The following KANK1 variants were observed in gnomAD, a reference collection of about 807,000 sequenced individuals.
KANK1 encodes the protein KN motif and ankyrin repeat domains 1.
In KANK1, 109 loss-of-function variants were observed where a neutral mutation model predicts 106.2. The observed-to-expected ratio is 1.03, with a 90% CI of 0.88 to 1.20. KANK1 has a LOEUF of 1.20. KANK1 is among the 50% of genes most tolerant of loss of function. The pLI, the probability that KANK1 is intolerant of heterozygous loss-of-function variation, is 0.00. For synonymous variants in KANK1, 873 were observed against 652.2 expected, an observed-to-expected ratio of 1.34 and a Z score of -5.16; for missense variants, 2,399 against 1,710.7, an observed-to-expected ratio of 1.40 and a Z score of -7.10.
At chr9:672,805 A>C (rs1390336321) in intron 1 of KANK1, among the ~76,000 whole-genome samples, 3 of 152,242 alleles carry the variant, frequency 2.0e-5, no homozygotes, top group Non-Finnish European at 4.4e-5. Flanking sequence ...ATGCATCAGC[A>C]TCCTTCAGTC....
Position 711,151 on chromosome 9 carries a change from C to G in KANK1, c.385C>G (p.Leu129Val). ...GCCACCTCCCCCTCTGGAGACCTCACTCCCTTTTCTTACCATCCCAGAAAA... is the reference window on the plus strand; with the variant it reads ...GCCACCTCCCCCTCTGGAGACCTCAGTCCCTTTTCTTACCATCCCAGAAAA... ...SKPPPPLETS[L>V]PFLTIPENRQ... The change falls in exon 3 of 12, where the codon CTC becomes GTC. Residue 129 changes from leucine to valine, a missense_variant. Leu to Val is a conservative substitution (Grantham distance 32, BLOSUM62 1). Coordinates refer to ENST00000382297, the MANE Select transcript of KANK1 (RefSeq NM_015158.5). The G allele has an allele frequency of 6.2e-7, 1 of 1,614,198 alleles. No individual in the cohort carries two copies. Among genetic ancestry groups the G allele is most frequent in the Non-Finnish European group, 8.5e-7 (1 of 1,180,036 alleles).
chr9:510,119 A>G (rs1049091406), intron 1 of KANK1, among the ~76,000 whole-genome samples: 3 of 152,070 alleles, frequency 2.0e-5, no homozygotes, highest in Non-Finnish European at 2.9e-5. Context: ...AGTCTAAGAA[A>G]TCTTTAAATT....
At chr9:617,820 A>C (rs1367237192) in intron 1 of KANK1, among the ~76,000 whole-genome samples, 1 of 152,230 alleles carries the variant, frequency 6.6e-6, no homozygotes. Flanking sequence ...CAGGTTTCTC[A>C]TAGGAGTAGG....
At chr9:584,523 CTTCTG>C (rs1191963203) in intron 1 of KANK1, among the ~76,000 whole-genome samples, 2 of 152,146 alleles carry the variant, frequency 1.3e-5, no homozygotes, top group African/African-American at 2.4e-5. Context: ...TGAACCTAGA[CTTCTG>C]TTCTGTTGAT....
chr9:628,782 C>T (rs1015540852), intron 1 of KANK1, among the ~76,000 whole-genome samples: 1 of 152,062 alleles, frequency 6.6e-6, no homozygotes, highest in African/African-American at 2.4e-5. Flanking sequence ...GATACCTGTT[C>T]AGTTTACCAT....
chr9:658,424 G>T (rs1475318554), intron 1 of KANK1, among the ~76,000 whole-genome samples: 1 of 151,878 alleles, frequency 6.6e-6, no homozygotes, highest in African/African-American at 2.4e-5. Flanking sequence ...CTCAGTAGCT[G>T]AAATATATGG....
intron 3 of KANK1, among the ~76,000 whole-genome samples, chr9:721,975 G>A (rs187519570): frequency 1.3e-5 from 2 of 152,172 alleles, no homozygotes; most frequent in Admixed American, 1.3e-4. Flanking sequence ...CACACCTCAG[G>A]ATTGAGGTGT....
At chr9:616,104 G>C (rs1006079903) in intron 1 of KANK1, among the ~76,000 whole-genome samples, 10 of 152,152 alleles carry the variant, frequency 6.6e-5, no homozygotes, top group African/African-American at 2.4e-4. Context: ...ATCCACTGAA[G>C]CTCAATAAAG....
At chr9:618,133 T>C (rs1053784376) in intron 1 of KANK1, among the ~76,000 whole-genome samples, 2 of 152,204 alleles carry the variant, frequency 1.3e-5, no homozygotes, top group Admixed American at 6.5e-5. Context: ...GAACAAAATA[T>C]ACAGGTTAAA....
intron 2 of KANK1, among the ~76,000 whole-genome samples, chr9:703,291 C>A (rs1414338508): frequency 6.6e-6 from 1 of 152,100 alleles, no homozygotes; most frequent in Non-Finnish European, 1.5e-5. Context: ...CACTCATGGC[C>A]TGCATTGTTG....
chr9:677,119 A>G (rs1816569495), intron 2 of KANK1, 110 bp downstream of exon 2: 1 of 966,892 alleles, frequency 1.0e-6, no homozygotes, highest in Admixed American at 2.5e-5. Flanking sequence ...GATAACTAGG[A>G]TTTCAAAGCA....
chr9:600,550 A>G (rs974283643), intron 1 of KANK1, among the ~76,000 whole-genome samples: 1 of 151,932 alleles, frequency 6.6e-6, no homozygotes, highest in Admixed American at 6.5e-5. Context: ...AGGTATGTGT[A>G]TGAGCTATAT....
intron 1 of KANK1, among the ~76,000 whole-genome samples, chr9:536,804 G>A (rs1250319700): frequency 2.6e-5 from 4 of 152,276 alleles, no homozygotes; most frequent in East Asian, 1.9e-4. Flanking sequence ...TTTGGGGGGC[G>A]CATTTTTCTG....
chr9:687,691 A>G (rs1201497853), intron 2 of KANK1, among the ~76,000 whole-genome samples: 1 of 152,130 alleles, frequency 6.6e-6, no homozygotes, highest in African/African-American at 2.4e-5. Flanking sequence ...TTATCCTTCA[A>G]GTCTTGCTGC....
chr9:700,537 C>G lies in KANK1; in HGVS notation c.38-10267C>G, dbSNP rs149233248. Among the ~76,000 whole-genome samples the G allele has an allele frequency of 2.0e-3, 303 of 152,282 alleles. 3 individuals are homozygous for G. The highest frequency in any genetic ancestry group is 7.1e-3 in the African/African-American group (296 of 41,544). ...ACTTGCCTCTCTTCCTGAGTTCATC[C>G]TACTGGTTTGCTTTCCTGCTGACGT... On this transcript the variant is annotated intron_variant, in intron 2 of 11. Coordinates refer to ENST00000382297, the MANE Select transcript of KANK1 (RefSeq NM_015158.5).
chr9:622,469 C>G (rs760976028), intron 1 of KANK1, among the ~76,000 whole-genome samples: 2 of 152,104 alleles, frequency 1.3e-5, no homozygotes, highest in African/African-American at 2.4e-5. Flanking sequence ...AGCATCCTGA[C>G]AAGGGTGCCA....
chr9:493,554 C>CTT (rs34062799), intron 3 of KANK1, among the ~76,000 whole-genome samples: 2,000 of 115,956 alleles, frequency 0.017, 128 homozygotes, highest in African/African-American at 0.064. Flanking sequence ...GGGTAATTTG[C>CTT]TTTTTTTTTT....
chr9:732,390 T>C lies in KANK1; in HGVS notation c.3018T>C (p.Thr1006=). 1 of 1,611,452 alleles carries C rather than the reference T, an allele frequency of 6.2e-7. No homozygotes were observed. Among genetic ancestry groups the C allele is most frequent in the South Asian group, 1.1e-5 (1 of 91,020 alleles). ...FVGINGGYET[T]SSDDSSSDES... is the part of the protein sequence containing the mutation. ...AATTGCCACCTAGGTATGAAACAAC[T>C]TCAAGTGATGATTCCAGCTCAGATG... Residue 1006 remains threonine, a synonymous_variant, in exon 6 of 12, where the codon ACT becomes ACC. Transcript: ENST00000382297.
Position 550,710 on chromosome 9 carries a change from AC to A in KANK1, c.-84+45957del, listed in dbSNP as rs1223619551. Among the ~76,000 whole-genome samples, 31 of 152,360 alleles carry A rather than the reference AC, an allele frequency of 2.0e-4. No homozygotes were observed. In the South Asian group the frequency reaches 5.6e-3, roughly 27 times the overall value. On this transcript the variant is annotated intron_variant, in intron 1 of 11. Coordinates refer to ENST00000382297, the MANE Select transcript of KANK1 (RefSeq NM_015158.5). ...GTAGTGGCCAGCAGCCTAAGAAGATACACAAGCTCTTCACTGTAGATGTTTG... is the reference window on the plus strand; with the variant it reads ...GTAGTGGCCAGCAGCCTAAGAAGATAACAAGCTCTTCACTGTAGATGTTTG...
Sources: gnomAD v4.1 joint callset for allele counts (sites outside exome capture counted in the v4.1 genomes callset) on GRCh38, gnomAD v4.1.1 for gene constraint, MANE v1.5 for transcripts, NCBI Gene and HGNC (gene_info 2026-07-23, HGNC 2026-07-21) for gene names.